The following CACNA1A variants were observed in gnomAD, a reference collection of about 807,000 sequenced individuals.
The protein encoded by CACNA1A is calcium voltage-gated channel subunit alpha1 A.
In CACNA1A, 57 loss-of-function variants were observed where a neutral mutation model predicts 262.4. The ratio of observed to expected loss-of-function variants is 0.22; its 90% CI spans 0.18 to 0.27. The LOEUF (loss-of-function observed/expected upper bound fraction) is 0.27, where lower values mean the gene tolerates loss of function less well. CACNA1A is among the 10% of genes least tolerant of loss of function. The pLI is 1.00. For synonymous variants in CACNA1A, 1,431 were observed against 1,419.3 expected, an observed-to-expected ratio of 1.01 and a Z score of -0.18; for missense variants, 2,526 against 3,562.8, an observed-to-expected ratio of 0.71 and a Z score of 7.41.
intron 5 of CACNA1A, among the ~76,000 whole-genome samples, chr19:13,361,271 A>C (rs1017084433): frequency 1.4e-4 from 22 of 152,278 alleles, no homozygotes; most frequent in Non-Finnish European, 2.9e-4. Flanking sequence ...AAACGTGCCA[A>C]CAGACACCCC....
chr19:13,448,217 G>A (rs1012768538), intron 3 of CACNA1A, among the ~76,000 whole-genome samples: 1 of 152,112 alleles, frequency 6.6e-6, no homozygotes, highest in Non-Finnish European at 1.5e-5. Flanking sequence ...GAACACGGAC[G>A]GAGCTGGAGG....
At chr19:13,278,776 G>A (rs1388370230) in intron 22 of CACNA1A, among the ~76,000 whole-genome samples, 1 of 152,200 alleles carries the variant, frequency 6.6e-6, no homozygotes, top group East Asian at 1.9e-4. Context: ...GGGTCCTGGA[G>A]GAGCTGGGCT....
intron 3 of CACNA1A, among the ~76,000 whole-genome samples, chr19:13,434,691 G>A (rs1568641177): frequency 6.6e-6 from 1 of 152,142 alleles, no homozygotes; most frequent in East Asian, 1.9e-4. Flanking sequence ...CAGAAGCTGA[G>A]CAGATGCTGC....
At position 13,308,044 on chromosome 19, in the gene CACNA1A, C is replaced by A; in HGVS notation, c.1913+76G>T. On this transcript the variant is annotated intron_variant, in intron 14 of 46. Transcript: ENST00000360228. The surrounding 1 kb of genome is among the most constrained non-coding windows in gnomAD (Gnocchi z 4.2). The stretch of plus-strand genomic sequence containing the variant: ...TCTGGGCTACGAGGAAGGCAGCCTG[C>A]ACGGTGGAGGGGACTGTGTGTTCCC... 1.3e-6 allele frequency: 2 copies of A among 1,575,534 alleles called. No individual in the cohort carries two copies. The highest frequency in any genetic ancestry group is 1.7e-6 in the Non-Finnish European group (2 of 1,154,356).
chr19:13,425,246 A>G (rs1326985624), intron 3 of CACNA1A, among the ~76,000 whole-genome samples: 2 of 152,182 alleles, frequency 1.3e-5, no homozygotes, highest in East Asian at 3.9e-4. Context: ...GCCCCAAATA[A>G]ATAAGTGAAG....
At chr19:13,218,077 A>G (rs930570643) in intron 38 of CACNA1A, among the ~76,000 whole-genome samples, 2 of 151,798 alleles carry the variant, frequency 1.3e-5, no homozygotes, top group Admixed American at 1.3e-4. Context: ...TACCCGGCCA[A>G]TACAGTTCAT....
intron 3 of CACNA1A, among the ~76,000 whole-genome samples, chr19:13,375,111 C>A (rs765249009): frequency 6.6e-6 from 1 of 152,084 alleles, no homozygotes; most frequent in Non-Finnish European, 1.5e-5. Flanking sequence ...GCTCACTTTG[C>A]GTCTCTGTGT....
At chr19:13,386,347 G>T (rs1199642549) in intron 3 of CACNA1A, among the ~76,000 whole-genome samples, 1 of 152,192 alleles carries the variant, frequency 6.6e-6, no homozygotes, top group East Asian at 1.9e-4. Context: ...ACAGGATCTG[G>T]GTGAAAAATC....
At chr19:13,441,348 A>T (rs2060715643) in intron 3 of CACNA1A, among the ~76,000 whole-genome samples, 1 of 130,184 alleles carries the variant, frequency 7.7e-6, no homozygotes, top group Non-Finnish European at 1.6e-5. Context: ...GCAATGTTTA[A>T]AAAAAATTAT....
At chr19:13,372,369 A>AC (rs1160228023) in intron 3 of CACNA1A, among the ~76,000 whole-genome samples, 2 of 152,002 alleles carry the variant, frequency 1.3e-5, no homozygotes. Context: ...ACAGGGTTTC[A>AC]CCATGTTGGC....
At chr19:13,409,197 G>A (rs559143683) in intron 3 of CACNA1A, among the ~76,000 whole-genome samples, 17 of 152,278 alleles carry the variant, frequency 1.1e-4, no homozygotes, top group Admixed American at 6.5e-4. Flanking sequence ...AGTATTGGCC[G>A]TGGGGTACGG....
intron 34 of CACNA1A, among the ~76,000 whole-genome samples, chr19:13,232,878 G>A (rs534669100): frequency 6.6e-6 from 1 of 150,660 alleles, no homozygotes; most frequent in African/African-American, 2.4e-5. Context: ...GCAAAACCCC[G>A]TCTCTACTAA....
chr19:13,333,463 C>G (rs1242876638), intron 8 of CACNA1A, among the ~76,000 whole-genome samples: 2 of 151,612 alleles, frequency 1.3e-5, no homozygotes. Flanking sequence ...GACACAGAGT[C>G]TCACTCTGTT....
At position 13,231,906 on chromosome 19, in the gene CACNA1A, G is replaced by C. The variant is rs528384088; in HGVS notation, c.5250-46C>G. ...GAGACTCGGACACCCAGCCCTGACT[G>C]GGTACCAACGCCTCCCCAGGAGGTG... is the stretch of plus-strand genomic sequence containing the variant. On this transcript the variant is annotated intron_variant, in intron 34 of 46. Transcript: ENST00000360228. 5 of 1,577,492 alleles carry C rather than the reference G, an allele frequency of 3.2e-6. No homozygotes were observed. In the South Asian group the frequency reaches 3.5e-5, roughly 11 times the overall value.
intron 6 of CACNA1A, among the ~76,000 whole-genome samples, chr19:13,353,329 A>C: frequency 1.5e-5 from 2 of 137,432 alleles, no homozygotes; most frequent in Non-Finnish European, 1.5e-5. Flanking sequence ...ATTGGGTTTC[A>C]CTGTGTTGCC....
intron 3 of CACNA1A, among the ~76,000 whole-genome samples, chr19:13,413,808 G>A (rs966189762): frequency 2.7e-5 from 4 of 150,874 alleles, no homozygotes; most frequent in African/African-American, 9.8e-5. Flanking sequence ...TTGAACCCAG[G>A]AGGTGGAGGT....
chr19:13,227,369 GAA>G (rs2055495374), intron 37 of CACNA1A, 60 bp downstream of exon 37: 2 of 62,898 alleles, frequency 3.2e-5, no homozygotes, highest in East Asian at 1.9e-3. Context: ...TAAAAAAAAA[GAA>G]GAAGAAGAAG....
chr19:13,402,285 C>T lies in CACNA1A; in HGVS notation c.540-30506G>A, dbSNP rs1401259642. 3.3e-5 allele frequency among the ~76,000 whole-genome samples: 5 copies of T among 152,106 alleles called. No homozygotes were observed. The East Asian group carries it at 7.7e-4, about 23-fold the overall frequency. On this transcript the variant is annotated intron_variant, in intron 3 of 46. Coordinates refer to ENST00000360228, the MANE Select transcript of CACNA1A (RefSeq NM_001127222.2). Reference sequence around the variant, plus strand: ...AGGATCTTAGTAAAGATCTTTGATACAGAAACAAGAAGGGATCTGGGAGTC... The same window carrying T: ...AGGATCTTAGTAAAGATCTTTGATATAGAAACAAGAAGGGATCTGGGAGTC...
chr19:13,293,437 A>ATTTTTT (rs2057588183), intron 19 of CACNA1A, among the ~76,000 whole-genome samples: 7 of 124,896 alleles, frequency 5.6e-5, no homozygotes, highest in East Asian at 3.2e-4. Context: ...ACTCAGTTAA[A>ATTTTTT]TCTTTTTTTT....
Sources: allele counts gnomAD v4.1 joint callset (sites outside exome capture counted in the v4.1 genomes callset), GRCh38; gene constraint gnomAD v4.1.1; non-coding constraint Gnocchi (gnomAD v3.1); transcripts MANE v1.5; gene names NCBI Gene and HGNC (gene_info 2026-07-23, HGNC 2026-07-21).